The following TRIQK variants were observed in gnomAD, a reference collection of about 807,000 sequenced individuals.
The protein encoded by TRIQK is triple QxxK/R motif containing.
TRIQK carries 10 observed loss-of-function variants against 10.8 expected under a neutral mutation model. The observed-to-expected ratio is 0.92, with a 90% CI of 0.57 to 1.57. TRIQK has a LOEUF of 1.57. Among genes scored for constraint, TRIQK ranks in the 40% most tolerant of loss-of-function variants. TRIQK has a pLI of 0.00. For synonymous variants in TRIQK, 33 were observed against 33.7 expected (o/e 0.98, Z 0.07); for missense variants, 107 against 97.7 (o/e 1.09, Z -0.40).
At chr8:93,004,527 T>A (rs972429545) in intron 1 of TRIQK, among the ~76,000 whole-genome samples, 6 of 152,364 alleles carry the variant, frequency 3.9e-5, no homozygotes, top group Admixed American at 1.3e-4. Flanking sequence ...ATTGAGCTTA[T>A]GAAAATTTCT....
chr8:93,000,855 A>G (rs1165640904), intron 1 of TRIQK, among the ~76,000 whole-genome samples: 1 of 151,262 alleles, frequency 6.6e-6, no homozygotes, highest in East Asian at 1.9e-4. Flanking sequence ...ACATAGCACT[A>G]CAGAAAACCA....
intron 2 of TRIQK, among the ~76,000 whole-genome samples, chr8:92,927,440 T>A (rs1810501201): frequency 6.6e-6 from 1 of 151,318 alleles, no homozygotes; most frequent in Non-Finnish European, 1.5e-5. Flanking sequence ...AAAAAACAAA[T>A]AACAAAATTT....
At chr8:92,894,287 T>C (rs1816903889) in intron 3 of TRIQK, among the ~76,000 whole-genome samples, 1 of 152,062 alleles carries the variant, frequency 6.6e-6, no homozygotes, top group Non-Finnish European at 1.5e-5. Flanking sequence ...TTTACAGGAG[T>C]GTCTGGTAGG....
intron 2 of TRIQK, among the ~76,000 whole-genome samples, chr8:92,927,165 G>A (rs1351496595): frequency 6.6e-6 from 1 of 152,088 alleles, no homozygotes; most frequent in African/African-American, 2.4e-5. Flanking sequence ...TGGACTATCT[G>A]ATTGCAAATA....
intron 3 of TRIQK, among the ~76,000 whole-genome samples, chr8:92,905,381 C>A (rs560965791): frequency 1.0e-3 from 152 of 152,076 alleles, no homozygotes; most frequent in African/African-American, 3.4e-3. Context: ...TATAAACTGA[C>A]AAAACTAAAT....
intron 1 of TRIQK, among the ~76,000 whole-genome samples, chr8:93,008,138 G>T (rs1813292731): frequency 6.6e-6 from 1 of 152,100 alleles, no homozygotes; most frequent in Non-Finnish European, 1.5e-5. Context: ...GAGCCTGTAG[G>T]GGGTGGACAG....
At chr8:92,966,390 C>G (rs1040965139), upstream of TRIQK, among the ~76,000 whole-genome samples, 1 of 152,180 alleles carries the variant, frequency 6.6e-6, no homozygotes, top group African/African-American at 2.4e-5. Flanking sequence ...ATTGAACCCT[C>G]CCATCTCACA....
At position 92,885,921 on chromosome 8, in the gene TRIQK, T is replaced by G. The variant is rs1325893889; in HGVS notation, c.*701A>C. 6.6e-6 allele frequency: 1 copy of G among 151,640 alleles called. No homozygotes were observed. Among genetic ancestry groups the G allele is most frequent in the Non-Finnish European group, 1.5e-5 (1 of 67,770 alleles). 9.4% of individuals were successfully genotyped at this position (151,640 alleles called of 1,614,324 possible). ...TTAGAATAGAATTCCAAGGTTATATTAATAGAGTAATAAGTTAATTAAAAC... is the reference window on the plus strand; with the variant it reads ...TTAGAATAGAATTCCAAGGTTATATGAATAGAGTAATAAGTTAATTAAAAC... On this transcript the variant is annotated 3_prime_UTR_variant, in exon 5 of 5. Coordinates refer to ENST00000521988, the MANE Select transcript of TRIQK (RefSeq NM_001171797.2).
intron 2 of TRIQK, among the ~76,000 whole-genome samples, chr8:92,919,100 G>A (rs1810032742): frequency 6.6e-6 from 1 of 151,760 alleles, no homozygotes; most frequent in South Asian, 2.1e-4. Flanking sequence ...TTTTATGCCA[G>A]TACCCAATTG....
At chr8:92,918,438 C>A (rs916519183) in intron 2 of TRIQK, among the ~76,000 whole-genome samples, 2 of 152,030 alleles carry the variant, frequency 1.3e-5, no homozygotes, top group East Asian at 1.9e-4. Flanking sequence ...GAGATGATAT[C>A]TCACTGTGCT....
chr8:92,927,164 T>C (rs768868759), intron 2 of TRIQK, among the ~76,000 whole-genome samples: 1 of 152,154 alleles, frequency 6.6e-6, no homozygotes, highest in Non-Finnish European at 1.5e-5. Context: ...CTGGACTATC[T>C]GATTGCAAAT....
At chr8:92,940,763 T>C (rs1386903927) in intron 2 of TRIQK, among the ~76,000 whole-genome samples, 1 of 152,102 alleles carries the variant, frequency 6.6e-6, no homozygotes, top group Non-Finnish European at 1.5e-5. Flanking sequence ...TAGGCTGCAC[T>C]CTAGGCCAAA....
chr8:93,010,120 G>A (rs1298836882), intron 1 of TRIQK, among the ~76,000 whole-genome samples: 2 of 152,054 alleles, frequency 1.3e-5, no homozygotes, highest in South Asian at 4.1e-4. Flanking sequence ...AGAGTAGGAG[G>A]GATGGGGAAT....
At chr8:92,926,067 A>T (rs574812094) in intron 2 of TRIQK, among the ~76,000 whole-genome samples, 22 of 152,036 alleles carry the variant, frequency 1.4e-4, no homozygotes, top group Non-Finnish European at 2.2e-4. Context: ...GAACAGAGCA[A>T]GACTACATCC....
intron 1 of TRIQK, chr8:92,974,540 C>G (rs985740487): frequency 6.6e-6 from 1 of 152,206 alleles, no homozygotes; most frequent in African/African-American, 2.4e-5. Context: ...GAGACTGAAG[C>G]TTGGTTGTTG....
chr8:93,004,311 C>T lies in TRIQK; in HGVS notation c.-181+13298G>A, dbSNP rs181254605. On this transcript the variant is annotated intron_variant, in intron 1 of 4. Coordinates refer to the TRIQK transcript ENST00000520686. Reference sequence around the variant, plus strand: ...AAACTGCCAAGGTTGGGATTTGCACCCTCACAGCCATGATCTGAGCTGTAC... The same window carrying T: ...AAACTGCCAAGGTTGGGATTTGCACTCTCACAGCCATGATCTGAGCTGTAC... Among the ~76,000 whole-genome samples, 522 of 152,300 alleles carry T rather than the reference C, an allele frequency of 3.4e-3. 1 individual carries two copies. The highest frequency in any genetic ancestry group is 6.8e-3 in the Middle Eastern group (2 of 294).
intron 1 of TRIQK, among the ~76,000 whole-genome samples, chr8:93,006,727 G>A (rs1813276672): frequency 1.3e-5 from 2 of 152,162 alleles, no homozygotes; most frequent in African/African-American, 4.8e-5. Context: ...CAGCACAGCG[G>A]CTGTGGCCCA....
At chr8:92,897,906 C>T (rs1808694462) in intron 3 of TRIQK, among the ~76,000 whole-genome samples, 1 of 151,932 alleles carries the variant, frequency 6.6e-6, no homozygotes, top group South Asian at 2.1e-4. Flanking sequence ...TGTGAAGAGC[C>T]TTAAGTCCAC....
chr8:92,979,872 T>C (rs1053583181), intron 1 of TRIQK, among the ~76,000 whole-genome samples: 5 of 152,102 alleles, frequency 3.3e-5, no homozygotes, highest in Non-Finnish European at 7.4e-5. Context: ...TGAAGTCATG[T>C]AGCAATAATG....
Sources: gnomAD v4.1 joint callset for allele counts (sites outside exome capture counted in the v4.1 genomes callset) on GRCh38, gnomAD v4.1.1 for gene constraint, MANE v1.5 for transcripts, NCBI Gene and HGNC (gene_info 2026-07-23, HGNC 2026-07-21) for gene names.